The following TEX2 variants were observed in gnomAD, a reference collection of about 807,000 sequenced individuals.
TEX2 encodes the protein testis expressed 2.
A neutral mutation model predicts 106.9 loss-of-function variants in TEX2; 53 were observed. The ratio of observed to expected loss-of-function variants is 0.50; its 90% CI spans 0.40 to 0.62. The LOEUF is 0.62. TEX2 is among the 20% of genes least tolerant of loss of function. The probability of loss-of-function intolerance (pLI) is 0.00; values close to 1 mark genes in which losing one functional copy is unlikely to be tolerated. For missense variants in TEX2, 1,207 were observed against 1,379.0 expected, an observed-to-expected ratio of 0.88 and a Z score of 1.98; for synonymous variants, 523 against 534.8, an observed-to-expected ratio of 0.98 and a Z score of 0.30.
rs955671997 is a variant in TEX2 at position 64,195,270 on chromosome 17, G to A, written c.1645-175C>T. ...GAAGTGCTTAGCTGGGAGGATAACT[G>A]GAACTGAGGAGGTTTTTGATAACCA... On this transcript the variant is annotated intron_variant, in intron 2 of 11. Transcript: ENST00000584379. The surrounding 1 kb of genome is among the most constrained non-coding windows in gnomAD (Gnocchi z 4.1). Among the ~76,000 whole-genome samples the A allele has an allele frequency of 5.3e-5, 8 of 152,154 alleles. No homozygotes were observed. Among genetic ancestry groups the A allele is most frequent in the African/African-American group, 1.9e-4 (8 of 41,432 alleles).
At chr17:64,177,516 G>A (rs2031663975) in intron 5 of TEX2, 45 bp from the exon 6 acceptor site, 3 of 1,597,700 alleles carry the variant, frequency 1.9e-6, no homozygotes, top group South Asian at 1.1e-5. Context: ...AGCAACTGGA[G>A]AATAAGACAG....
rs566755382 is a variant in TEX2 at position 64,255,028 on chromosome 17, C to CTTTTTTTTTTTT, written c.-26+8128_-26+8139dup. Among the ~76,000 whole-genome samples, 2 of 132,488 alleles carry CTTTTTTTTTTTT rather than the reference C, an allele frequency of 1.5e-5. 1 individual carries two copies. 86.9% of individuals were successfully genotyped at this position (132,488 alleles called of 152,430 possible). ...TACAGGTGTGTGTCACTGCATCTGG[C>CTTTTTTTTTTTT]TTTTTTTTTTTTTTTTTTGTAGAGG... On this transcript the variant is annotated intron_variant, in intron 1 of 11. Transcript: ENST00000584379.
At chr17:64,250,020 C>G (rs2034061182) in intron 1 of TEX2, among the ~76,000 whole-genome samples, 1 of 152,216 alleles carries the variant, frequency 6.6e-6, no homozygotes, top group Admixed American at 6.5e-5. Flanking sequence ...TTTTCAGCTA[C>G]TGACTTATTT....
chr17:64,161,032 G>C, intron 7 of TEX2, 99 bp from the exon 8 acceptor site: 1 of 1,303,892 alleles, frequency 7.7e-7, no homozygotes, highest in East Asian at 2.4e-5. Flanking sequence ...GCACCATACT[G>C]AAAGTCCATG....
chr17:64,171,007 C>G, intron 7 of TEX2, 93 bp downstream of exon 7: 1 of 991,854 alleles, frequency 1.0e-6, no homozygotes, highest in Admixed American at 2.0e-5. Context: ...TTTAAAAAGT[C>G]CTCAACACCC....
intron 2 of TEX2, among the ~76,000 whole-genome samples, chr17:64,208,265 G>T (rs969456117): frequency 1.1e-4 from 16 of 152,098 alleles, no homozygotes; most frequent in African/African-American, 3.6e-4. Flanking sequence ...TTGAGACAGG[G>T]TCACACTCTA....
chr17:64,163,143 G>A (rs1183228609), intron 7 of TEX2, among the ~76,000 whole-genome samples: 2 of 152,050 alleles, frequency 1.3e-5, no homozygotes, highest in Non-Finnish European at 2.9e-5. Context: ...TTTCTTCCCT[G>A]AGATGGGGTC....
intron 8 of TEX2, 113 bp from the exon 9 acceptor site, chr17:64,155,080 T>C (rs2030555609): frequency 7.9e-7 from 1 of 1,270,346 alleles, no homozygotes; most frequent in Non-Finnish European, 1.0e-6. Flanking sequence ...GGGATGTAAC[T>C]GTTAACTACA....
chr17:64,214,167 T>C lies in TEX2; in HGVS notation c.51A>G (p.Lys17=). 6.2e-7 allele frequency: 1 copy of C among 1,614,102 alleles called. No homozygotes were observed. Among genetic ancestry groups the C allele is most frequent in the South Asian group, 1.1e-5 (1 of 91,074 alleles). ...RHAEKTTDMP[K]PSAPKVHVQR... ...GCACGTGCACTTTAGGGGCTGATGG[T>C]TTTGGCATGTCAGTGGTTTTCTCGG... Residue 17 remains lysine, a synonymous_variant, in exon 2 of 12, where the codon AAA becomes AAG. Transcript: ENST00000584379.
intron 1 of TEX2, among the ~76,000 whole-genome samples, chr17:64,258,900 G>A (rs1172720063): frequency 6.6e-6 from 1 of 152,094 alleles, no homozygotes; most frequent in Non-Finnish European, 1.5e-5. Flanking sequence ...TGGGACTACA[G>A]GCATGTGCCA....
intron 1 of TEX2, among the ~76,000 whole-genome samples, chr17:64,221,606 T>C (rs910168351): frequency 1.3e-5 from 2 of 152,162 alleles, no homozygotes; most frequent in Non-Finnish European, 2.9e-5. Flanking sequence ...GACTGTAAAA[T>C]GGCGCAACTG....
intron 1 of TEX2, among the ~76,000 whole-genome samples, chr17:64,235,687 A>G (rs1449045834): frequency 6.6e-6 from 1 of 152,228 alleles, no homozygotes; most frequent in Non-Finnish European, 1.5e-5. Flanking sequence ...CACAGTTTAC[A>G]GCAAAAAGAA....
At chr17:64,220,133 A>G (rs1555633124) in intron 1 of TEX2, among the ~76,000 whole-genome samples, 1 of 152,236 alleles carries the variant, frequency 6.6e-6, no homozygotes. Flanking sequence ...TTTATCTGAT[A>G]AGGGGTTAAT....
At chr17:64,222,569 T>C (rs1340940297) in intron 1 of TEX2, among the ~76,000 whole-genome samples, 1 of 149,902 alleles carries the variant, frequency 6.7e-6, no homozygotes, top group Admixed American at 6.6e-5. Context: ...GGAGGACTGC[T>C]TAAGGCTAGG....
chr17:64,169,952 T>C (rs895568133), intron 7 of TEX2, among the ~76,000 whole-genome samples: 1 of 152,226 alleles, frequency 6.6e-6, no homozygotes, highest in African/African-American at 2.4e-5. Flanking sequence ...TCTCTCTGCA[T>C]GCTAATGGGC....
intron 8 of TEX2, among the ~76,000 whole-genome samples, chr17:64,158,126 G>C (rs1429825711): frequency 3.3e-5 from 5 of 152,202 alleles, no homozygotes; most frequent in Non-Finnish European, 5.9e-5. Flanking sequence ...AAGGAAAAAT[G>C]CCCATGAAAA....
At chr17:64,246,140 C>G (rs1344849446) in intron 1 of TEX2, among the ~76,000 whole-genome samples, 1 of 152,180 alleles carries the variant, frequency 6.6e-6, no homozygotes, top group Non-Finnish European at 1.5e-5. Context: ...GCACTAGAGG[C>G]TGAAATTCAG....
At chr17:64,173,674 C>G (rs2031505582) in intron 6 of TEX2, among the ~76,000 whole-genome samples, 1 of 150,510 alleles carries the variant, frequency 6.6e-6, no homozygotes, top group Admixed American at 6.6e-5. Context: ...TGGTATTGGC[C>G]TCTCTACCAA....
intron 1 of TEX2, among the ~76,000 whole-genome samples, chr17:64,239,678 C>A (rs919713569): frequency 2.6e-5 from 4 of 151,846 alleles, no homozygotes; most frequent in Non-Finnish European, 5.9e-5. Context: ...GAGTTCGAGA[C>A]GAGGCTGGCC....
Sources: gnomAD v4.1 joint callset for allele counts (sites outside exome capture counted in the v4.1 genomes callset) on GRCh38, gnomAD v4.1.1 for gene constraint, Gnocchi (gnomAD v3.1) non-coding constraint, MANE v1.5 for transcripts, NCBI Gene and HGNC (gene_info 2026-07-23, HGNC 2026-07-21) for gene names.